The following KCNN2 variants were observed in gnomAD, a reference collection of about 807,000 sequenced individuals.
KCNN2 encodes the protein potassium calcium-activated channel subfamily N member 2.
KCNN2 carries 24 observed loss-of-function variants against 55.5 expected under a neutral mutation model. That is an observed-to-expected ratio of 0.43 (90% CI 0.31 to 0.61). The LOEUF (loss-of-function observed/expected upper bound fraction) is 0.61, where lower values mean the gene tolerates loss of function less well. Ranked by LOEUF, KCNN2 falls within the 20% of genes least tolerant of loss-of-function variation. The pLI is 0.08. For synonymous variants in KCNN2, 431 were observed against 336.1 expected (o/e 1.28, Z -3.09); for missense variants, 754 against 853.6 (o/e 0.88, Z 1.45).
At chr5:114,277,015 C>T (rs1755504833) in intron 2 of KCNN2, among the ~76,000 whole-genome samples, 1 of 152,052 alleles carries the variant, frequency 6.6e-6, no homozygotes, top group South Asian at 2.1e-4. Context: ...TTCAGGAGCT[C>T]TTGTAGGGCA....
chr5:114,461,354 T>C (rs920945735), intron 3 of KCNN2, among the ~76,000 whole-genome samples: 2 of 152,086 alleles, frequency 1.3e-5, no homozygotes, highest in Non-Finnish European at 2.9e-5. Flanking sequence ...ATGGAGGTTG[T>C]TTAGGGGTGA....
At chr5:114,099,711 A>G (rs1472717035) in intron 1 of KCNN2, among the ~76,000 whole-genome samples, 2 of 152,038 alleles carry the variant, frequency 1.3e-5, no homozygotes, top group Admixed American at 6.6e-5. Context: ...TCTTGGAAAA[A>G]TTTTTGGACC....
At chr5:114,197,207 C>T (rs1753575802) in intron 1 of KCNN2, among the ~76,000 whole-genome samples, 1 of 152,010 alleles carries the variant, frequency 6.6e-6, no homozygotes, top group Non-Finnish European at 1.5e-5. Context: ...TTCTATTATT[C>T]TAATTATTTT....
intron 1 of KCNN2, among the ~76,000 whole-genome samples, chr5:114,210,490 T>C (rs925143793): frequency 6.6e-6 from 1 of 152,192 alleles, no homozygotes; most frequent in Non-Finnish European, 1.5e-5. Flanking sequence ...GAATTCACTG[T>C]GTATACAAGC....
intron 2 of KCNN2, among the ~76,000 whole-genome samples, chr5:114,380,489 C>G (rs1758085695): frequency 6.6e-6 from 1 of 152,134 alleles, no homozygotes; most frequent in South Asian, 2.1e-4. Context: ...TTCCTAACTT[C>G]TTATCAGTGA....
intron 2 of KCNN2, among the ~76,000 whole-genome samples, chr5:114,385,909 T>C (rs1758267169): frequency 6.6e-6 from 1 of 151,886 alleles, no homozygotes; most frequent in South Asian, 2.1e-4. Context: ...CCGGGCGCAG[T>C]GGTTCACACC....
chr5:114,380,325 C>T (rs1484919231), intron 2 of KCNN2, among the ~76,000 whole-genome samples: 2 of 152,160 alleles, frequency 1.3e-5, no homozygotes, highest in East Asian at 3.8e-4. Flanking sequence ...GGAATGTCTG[C>T]CCCAAACACA....
At chr5:114,444,296 A>T (rs1300960674) in intron 3 of KCNN2, among the ~76,000 whole-genome samples, 1 of 152,148 alleles carries the variant, frequency 6.6e-6, no homozygotes, top group Non-Finnish European at 1.5e-5. Context: ...AGGGATACAT[A>T]ACCCCTTCTC....
At chr5:114,397,811 G>T (rs1274151663) in intron 2 of KCNN2, among the ~76,000 whole-genome samples, 1 of 152,096 alleles carries the variant, frequency 6.6e-6, no homozygotes, top group Non-Finnish European at 1.5e-5. Context: ...TCATATGCTT[G>T]TTGGCTGCAT....
intron 1 of KCNN2, among the ~76,000 whole-genome samples, chr5:114,126,463 A>T (rs1751932308): frequency 6.6e-6 from 1 of 152,110 alleles, no homozygotes; most frequent in Non-Finnish European, 1.5e-5. Context: ...TTATAAAATC[A>T]TCAGATCTTG....
intron 2 of KCNN2, among the ~76,000 whole-genome samples, chr5:114,259,993 A>G (rs910257472): frequency 2.2e-4 from 34 of 152,208 alleles, no homozygotes; most frequent in African/African-American, 6.8e-4. Flanking sequence ...GAATACCTCA[A>G]TGTCATCCTT....
chr5:114,269,004 G>C lies in KCNN2; in HGVS notation c.-185+47439G>C, dbSNP rs188150003. 4.1e-3 allele frequency among the ~76,000 whole-genome samples: 621 copies of C among 151,730 alleles called. 4 individuals carry two copies. Among genetic ancestry groups the C allele is most frequent in the Non-Finnish European group, 6.8e-3 (462 of 67,940 alleles). Reference sequence around the variant, plus strand: ...GTGCACGGGTCCCTCCAATTGATAAGGCTTTCTTTCAAATCATGAGCTCAT... The same window carrying C: ...GTGCACGGGTCCCTCCAATTGATAACGCTTTCTTTCAAATCATGAGCTCAT... On this transcript the variant is annotated intron_variant, in intron 2 of 10. Transcript: ENST00000512097.
At chr5:114,408,680 C>CAA in intron 3 of KCNN2, among the ~76,000 whole-genome samples, 1 of 152,180 alleles carries the variant, frequency 6.6e-6, no homozygotes, top group Non-Finnish European at 1.5e-5. Flanking sequence ...CCAGGTCTGA[C>CAA]AATATATACA....
At chr5:114,233,013 C>T (rs1168576531) in intron 2 of KCNN2, among the ~76,000 whole-genome samples, 11 of 125,962 alleles carry the variant, frequency 8.7e-5, no homozygotes, top group Non-Finnish European at 3.2e-5. Flanking sequence ...CTCCGCCTCC[C>T]GGGTTCACGC....
intron 1 of KCNN2, among the ~76,000 whole-genome samples, chr5:114,094,679 C>T (rs567940973): frequency 5.7e-4 from 86 of 152,194 alleles, no homozygotes; most frequent in African/African-American, 1.7e-3. Flanking sequence ...AAGTGAATTC[C>T]GAAGAAACAC....
rs540273851 is a variant in KCNN2, at chr5:114,081,376, TC to T, written c.-271+24877del. On this transcript the variant is annotated intron_variant, in intron 1 of 10. Transcript: ENST00000512097. Reference sequence around the variant, plus strand: ...AAAAAATGGGAAGACTCATATTTTCTCATTTCAAGACTTATTACAAAGCTGT... The same window carrying T: ...AAAAAATGGGAAGACTCATATTTTCTATTTCAAGACTTATTACAAAGCTGT... 3.3e-4 allele frequency among the ~76,000 whole-genome samples: 51 copies of T among 152,268 alleles called. 1 individual carries two copies. The East Asian group carries it at 9.6e-3, about 29-fold the overall frequency.
At chr5:114,378,960 G>A (rs1253865133) in intron 2 of KCNN2, among the ~76,000 whole-genome samples, 1 of 152,170 alleles carries the variant, frequency 6.6e-6, no homozygotes, top group Non-Finnish European at 1.5e-5. Flanking sequence ...CTGGCAGCAT[G>A]TATAATTTAT....
intron 1 of KCNN2, among the ~76,000 whole-genome samples, chr5:114,163,060 G>A (rs992295052): frequency 6.6e-6 from 1 of 152,158 alleles, no homozygotes; most frequent in African/African-American, 2.4e-5. Flanking sequence ...TACCTCATTT[G>A]GAAATGCAGA....
intron 2 of KCNN2, among the ~76,000 whole-genome samples, chr5:114,342,914 C>T (rs565313334): frequency 6.6e-4 from 100 of 152,190 alleles, no homozygotes; most frequent in African/African-American, 2.1e-3. Flanking sequence ...CATAGGTAAA[C>T]GCATGCCATG....
Sources: gnomAD v4.1 joint callset for allele counts (sites outside exome capture counted in the v4.1 genomes callset) on GRCh38, gnomAD v4.1.1 for gene constraint, MANE v1.5 for transcripts, NCBI Gene and HGNC (gene_info 2026-07-23, HGNC 2026-07-21) for gene names.